Variants in USH2A observed in about 807,000 individuals in gnomAD.
USH2A encodes the protein Usher syndrome 2A (autosomal recessive, mild).
In USH2A, 443 loss-of-function variants were observed where a neutral mutation model predicts 538.9. The ratio of observed to expected loss-of-function variants is 0.82; its 90% CI spans 0.76 to 0.89. USH2A has a LOEUF of 0.89. USH2A is among the 40% of genes least tolerant of loss of function. USH2A has a pLI of 0.00. For missense variants in USH2A, 6,633 were observed against 6,324.8 expected, an observed-to-expected ratio of 1.05 and a Z score of -1.65; for synonymous variants, 2,413 against 2,273.5, an observed-to-expected ratio of 1.06 and a Z score of -1.75.
intron 3 of USH2A, 144 bp downstream of exon 3, chr1:216,418,370 T>G: frequency 1.1e-6 from 1 of 883,760 alleles, no homozygotes; most frequent in South Asian, 1.7e-5. Context: ...ATTTAAATAT[T>G]TTTCTTCTTT....
chr1:216,066,267 G>A (rs776535725), intron 30 of USH2A, among the ~76,000 whole-genome samples: 3 of 152,032 alleles, frequency 2.0e-5, no homozygotes, highest in East Asian at 3.9e-4. Flanking sequence ...TCAGGAAATC[G>A]AGACCATCCT....
intron 32 of USH2A, among the ~76,000 whole-genome samples, chr1:216,023,751 G>A (rs143743319): frequency 6.6e-6 from 1 of 151,960 alleles, no homozygotes; most frequent in African/African-American, 2.4e-5. Context: ...GAATAGGATG[G>A]TATTATGTGT....
chr1:215,731,557 T>G (rs1448197365), intron 60 of USH2A, among the ~76,000 whole-genome samples: 2 of 152,216 alleles, frequency 1.3e-5, no homozygotes, highest in African/African-American at 4.8e-5. Context: ...ACTTCAGGAA[T>G]GTAATTTTCC....
At chr1:216,146,362 A>T (rs2033703196) in intron 21 of USH2A, among the ~76,000 whole-genome samples, 1 of 152,200 alleles carries the variant, frequency 6.6e-6, no homozygotes, top group Admixed American at 6.5e-5. Flanking sequence ...CGTGAACTCA[A>T]AACTCCGGCG....
intron 67 of USH2A, among the ~76,000 whole-genome samples, chr1:215,642,206 G>A (rs889207969): frequency 1.3e-5 from 2 of 152,176 alleles, no homozygotes; most frequent in African/African-American, 4.8e-5. Context: ...TGAAAAAGCT[G>A]TAAGTACCAC....
intron 32 of USH2A, among the ~76,000 whole-genome samples, chr1:216,042,808 T>C (rs2030337027): frequency 6.6e-6 from 1 of 151,986 alleles, no homozygotes; most frequent in Admixed American, 6.6e-5. Flanking sequence ...TGATATAAAA[T>C]CTGTGGTCGT....
At chr1:216,148,136 T>C (rs934054545) in intron 21 of USH2A, among the ~76,000 whole-genome samples, 4 of 151,950 alleles carry the variant, frequency 2.6e-5, no homozygotes, top group African/African-American at 7.3e-5. Context: ...GGCTACCCAC[T>C]CCACATTACC....
At chr1:216,061,897 G>T (rs528324680) in intron 30 of USH2A, among the ~76,000 whole-genome samples, 1 of 152,262 alleles carries the variant, frequency 6.6e-6, no homozygotes, top group East Asian at 1.9e-4. Flanking sequence ...AAACTGTAGG[G>T]TGGCTGCGCG....
intron 9 of USH2A, among the ~76,000 whole-genome samples, chr1:216,299,093 C>T (rs547958886): frequency 5.9e-5 from 9 of 152,204 alleles, no homozygotes; most frequent in Admixed American, 3.3e-4. Flanking sequence ...CCACCCGCCT[C>T]GGCCTCCCAA....
At chr1:215,980,428 T>G (rs1667723943) in intron 35 of USH2A, among the ~76,000 whole-genome samples, 1 of 152,100 alleles carries the variant, frequency 6.6e-6, no homozygotes, top group East Asian at 1.9e-4. Flanking sequence ...ATTTTAAAAA[T>G]CACGTAATAA....
At chr1:215,758,867 C>G in intron 57 of USH2A, 115 bp from the exon 58 acceptor site, 1 of 1,105,292 alleles carries the variant, frequency 9.0e-7, no homozygotes, top group South Asian at 1.3e-5. Flanking sequence ...ATTGCAAACT[C>G]TTTGCCCCCT....
chr1:216,339,815 T>TC (rs2038041346), intron 4 of USH2A, among the ~76,000 whole-genome samples: 1 of 150,320 alleles, frequency 6.7e-6, no homozygotes, highest in South Asian at 2.1e-4. Context: ...TACCAGAATC[T>TC]CTGGAACACA....
intron 60 of USH2A, among the ~76,000 whole-genome samples, chr1:215,728,586 C>CACACACACACACAT (rs1659901669): frequency 6.6e-6 from 1 of 151,758 alleles, no homozygotes; most frequent in African/African-American, 2.4e-5. Context: ...GTAGTTGACA[C>CACACACACACACAT]ACACACACAC....
chr1:216,057,287 T>C (rs2031009357), intron 30 of USH2A, among the ~76,000 whole-genome samples: 1 of 152,180 alleles, frequency 6.6e-6, no homozygotes, highest in African/African-American at 2.4e-5. Context: ...AGCAGGAACA[T>C]TACATCATTT....
At chr1:216,232,589 TA>T (rs34898270) in intron 13 of USH2A, among the ~76,000 whole-genome samples, 26 of 152,278 alleles carry the variant, frequency 1.7e-4, no homozygotes, top group African/African-American at 6.0e-4. Flanking sequence ...TTGCTCAGAC[TA>T]AAAAAAGTTA....
intron 30 of USH2A, among the ~76,000 whole-genome samples, chr1:216,059,069 A>G (rs1187000378): frequency 6.6e-6 from 1 of 152,120 alleles, no homozygotes; most frequent in Admixed American, 6.6e-5. Context: ...AATTACAGTC[A>G]TTTCTCTGCA....
rs1218614730 is a variant in USH2A, at chr1:215,674,316, G to A, written c.13595C>T (p.Pro4532Leu). 2 of 1,613,796 alleles carry A rather than the reference G, an allele frequency of 1.2e-6. No homozygotes were observed. The highest frequency in any genetic ancestry group is 1.7e-5 in the Admixed American group (1 of 59,992). The change falls in exon 63 of 72, where the codon CCC (proline) becomes CTC (leucine). Residue 4532 changes from proline (P) to leucine (L), a missense_variant. Transcript: ENST00000307340. Reference sequence around the variant, plus strand: ...CAATTTTGGAGGTTCCATCCCTGAGGGTGCTGAGGGGCTGGTTCGATCTTT... The same window carrying A: ...CAATTTTGGAGGTTCCATCCCTGAGAGTGCTGAGGGGCTGGTTCGATCTTT... ...LVKDRTSPSA[P>L]SGMEPPKLQA... is the part of the protein sequence containing the mutation.
At position 215,782,115 on chromosome 1, in the gene USH2A, C is replaced by T. The variant is rs397517968; in HGVS notation, c.10667G>A (p.Gly3556Glu). The change falls in exon 54 of 72, where the codon GGA becomes GAA. Residue 3556 changes from glycine to glutamate, a missense_variant. Coordinates refer to ENST00000307340, the MANE Select transcript of USH2A (RefSeq NM_206933.4). ...TGAATATTCCTGAAATGGTTGAATT[C>T]CCTCTTTATCAGAGAAGCTCAGTGA... ...GTSLSFSDKE[G>E]IQPFQEYSYQ... 3.1e-6 allele frequency: 5 copies of T among 1,613,984 alleles called. No homozygotes were observed. The highest frequency in any genetic ancestry group is 4.2e-6 in the Non-Finnish European group (5 of 1,179,892).
rs956761 is a variant in USH2A, at chr1:215,741,130, C to A, written c.11711+245G>T. On this transcript the variant is annotated intron_variant, in intron 60 of 71. Transcript: ENST00000307340. ...TCTCAGTTTTCAAACAGATCTCAAT[C>A]AAAAATGTTATATGGCAGTTATGGC... is the stretch of plus-strand genomic sequence containing the variant. Among the ~76,000 whole-genome samples the A allele has an allele frequency of 0.046, 6,955 of 152,066 alleles. 288 individuals carry two copies. The highest frequency in any genetic ancestry group is 0.1 in the South Asian group (497 of 4,820).
Sources: gnomAD v4.1 joint callset for allele counts (sites outside exome capture counted in the v4.1 genomes callset) on GRCh38, gnomAD v4.1.1 for gene constraint, MANE v1.5 for transcripts, NCBI Gene and HGNC (gene_info 2026-07-23, HGNC 2026-07-21) for gene names.